Variants in TMTC3 observed in about 807,000 individuals in gnomAD.
The protein encoded by TMTC3 is transmembrane O-mannosyltransferase targeting cadherins 3.
A neutral mutation model predicts 92.2 loss-of-function variants in TMTC3; 52 were observed. That is an observed-to-expected ratio of 0.56 (90% CI 0.45 to 0.71). The LOEUF is 0.71. Ranked by LOEUF, TMTC3 falls within the 30% of genes least tolerant of loss-of-function variation. The pLI is 0.00. For missense variants in TMTC3, 896 were observed against 1,057.1 expected, an observed-to-expected ratio of 0.85 and a Z score of 2.11; for synonymous variants, 339 against 363.3, an observed-to-expected ratio of 0.93 and a Z score of 0.76.
At chr12:88,189,037 C>A in intron 11 of TMTC3, 91 bp downstream of exon 11, 1 of 707,900 alleles carries the variant, frequency 1.4e-6, no homozygotes, top group Non-Finnish European at 2.4e-6. Flanking sequence ...ATCTTTTCTT[C>A]AGTTAGTTGA....
At chr12:88,180,698 T>C (rs918298480) in intron 10 of TMTC3, among the ~76,000 whole-genome samples, 1 of 152,064 alleles carries the variant, frequency 6.6e-6, no homozygotes, top group African/African-American at 2.4e-5. Flanking sequence ...TGGTACCAGG[T>C]TGGGTCCTAG....
At chr12:88,149,548 T>C (rs1303833004) in intron 2 of TMTC3, among the ~76,000 whole-genome samples, 1 of 152,104 alleles carries the variant, frequency 6.6e-6, no homozygotes, top group African/African-American at 2.4e-5. Flanking sequence ...CATAAGTCAT[T>C]TAAGGTCTCA....
chr12:88,181,088 C>T (rs1438945607), intron 10 of TMTC3, among the ~76,000 whole-genome samples: 1 of 152,046 alleles, frequency 6.6e-6, no homozygotes, highest in African/African-American at 2.4e-5. Context: ...TTGGATGTTC[C>T]ACGTGTGACA....
intron 12 of TMTC3, among the ~76,000 whole-genome samples, chr12:88,191,160 G>A (rs1262320158): frequency 6.6e-6 from 1 of 151,916 alleles, no homozygotes; most frequent in Admixed American, 6.6e-5. Context: ...ACTTCGTTTT[G>A]TAGCCTGGTC....
In TMTC3 at chr12:88,174,149, T is replaced by C. The variant is rs1014681917; in HGVS notation, c.1200-458T>C. Among the ~76,000 whole-genome samples, 6 of 152,214 alleles carry C rather than the reference T, an allele frequency of 3.9e-5. No individual in the cohort carries two copies. The East Asian group carries it at 7.7e-4, about 20-fold the overall frequency. On this transcript the variant is annotated intron_variant, in intron 8 of 13. Transcript: ENST00000266712. ...TACTATGCCTGTTAATAGACAATTC[T>C]AGCTTTACAATAGAGAAATAAACCA...
rs1028185755 is a variant in TMTC3 at position 88,179,815 on chromosome 12, G to A, written c.1432+3496G>A. 4.6e-5 allele frequency among the ~76,000 whole-genome samples: 7 copies of A among 152,108 alleles called. No homozygotes were observed. In the East Asian group the frequency reaches 5.8e-4, roughly 13 times the overall value. On this transcript the variant is annotated intron_variant, in intron 10 of 13. Transcript: ENST00000266712. ...TGGGTAATAAACATTGTCAACCCCC[G>A]GAGTAGAGAGCAGTCCTGTGCGCAA... is the stretch of plus-strand genomic sequence containing the variant.
intron 10 of TMTC3, among the ~76,000 whole-genome samples, chr12:88,180,549 T>C (rs970079487): frequency 2.0e-5 from 3 of 152,192 alleles, no homozygotes; most frequent in South Asian, 2.1e-4. Flanking sequence ...GTGAATGGTG[T>C]CTGTGTCCAG....
intron 12 of TMTC3, 62 bp from the exon 13 acceptor site, chr12:88,192,542 A>T (rs2041455931): frequency 7.5e-7 from 1 of 1,337,048 alleles, no homozygotes; most frequent in Admixed American, 2.0e-5. Flanking sequence ...CTTGGCAAAA[A>T]TTGTATCTAC....
At chr12:88,162,164 G>A (rs1361856772) in intron 6 of TMTC3, among the ~76,000 whole-genome samples, 1 of 152,070 alleles carries the variant, frequency 6.6e-6, no homozygotes, top group African/African-American at 2.4e-5. Flanking sequence ...TAAATCTACT[G>A]TCTTCCGGCT....
Position 88,166,680 on chromosome 12 carries a change from C to T in TMTC3, c.1050+98C>T, listed in dbSNP as rs2138394752. 17 of 1,338,518 alleles carry T rather than the reference C, an allele frequency of 1.3e-5. 1 individual carries two copies. The South Asian group carries it at 2.4e-4, about 19-fold the overall frequency. The allele number at this position is 1,338,518 out of a possible 1,614,324, so 82.9% of individuals were successfully genotyped here. A position where few individuals can be genotyped will look rare whatever the true frequency, so the allele number is the denominator to read the frequency against. The stretch of plus-strand genomic sequence containing the variant: ...GCAAAAGCATCTTTTTAGAAGCACT[C>T]CTTTCTTTGTTCAACGGCATCCCAA... On this transcript the variant is annotated intron_variant, in intron 7 of 13. Coordinates refer to ENST00000266712, the MANE Select transcript of TMTC3 (RefSeq NM_181783.4).
intron 4 of TMTC3, among the ~76,000 whole-genome samples, chr12:88,159,638 G>A (rs997216212): frequency 2.1e-4 from 32 of 151,184 alleles, no homozygotes; most frequent in African/African-American, 7.8e-4. Context: ...ACTCCAGCCT[G>A]AGTGACAGGG....
At chr12:88,156,680 A>G (rs1324419464) in intron 4 of TMTC3, among the ~76,000 whole-genome samples, 1 of 115,326 alleles carries the variant, frequency 8.7e-6, no homozygotes, top group Non-Finnish European at 1.8e-5. Context: ...CAGTCAGGAG[A>G]GGATAAAACA....
In TMTC3 at chr12:88,198,131, A is replaced by T. The variant is rs546752089; in HGVS notation, c.*2482A>T. On this transcript the variant is annotated 3_prime_UTR_variant, in exon 14 of 14. Transcript: ENST00000266712. ...TCCATCAAACTAGCCCTTGTGTAAG[A>T]TTATTATTTCTTCTCTATAACTTCA... The T allele has an allele frequency of 1.0e-4, 40 of 391,566 alleles. No individual in the cohort carries two copies. The East Asian group carries it at 1.4e-3, about 14-fold the overall frequency. 24.3% of individuals were successfully genotyped at this position (391,566 alleles called of 1,614,324 possible). A position where few individuals can be genotyped will look rare whatever the true frequency, so the allele number is the denominator to read the frequency against.
chr12:88,175,037 C>T (rs2041244117), intron 9 of TMTC3, among the ~76,000 whole-genome samples: 1 of 151,964 alleles, frequency 6.6e-6, no homozygotes, highest in Non-Finnish European at 1.5e-5. Context: ...TTATATTTTT[C>T]CTTTTTTATA....
At position 88,199,391 on chromosome 12, in the gene TMTC3, TTAA is replaced by T. The variant is rs1460212769; in HGVS notation, c.*3745_*3747del. 2.0e-5 allele frequency: 3 copies of T among 151,358 alleles called. No individual in the cohort carries two copies. The allele number at this position is 151,358 out of a possible 1,614,324, so 9.4% of individuals were successfully genotyped here. ...ATATTTATATGATATATTGTATATA[TTAA>T]TATATTTAAATTGCTTAGAGTTTCT... On this transcript the variant is annotated 3_prime_UTR_variant, in exon 14 of 14. Transcript: ENST00000266712.
intron 1 of TMTC3, among the ~76,000 whole-genome samples, chr12:88,143,542 T>G (rs1240914115): frequency 6.6e-6 from 1 of 152,232 alleles, no homozygotes; most frequent in African/African-American, 2.4e-5. Context: ...GGAGGACATA[T>G]TCTTAACTTC....
At position 88,195,491 on chromosome 12, in the gene TMTC3, G is replaced by C; in HGVS notation, c.2587G>C (p.Asp863His). The C allele has an allele frequency of 6.2e-7, 1 of 1,612,780 alleles. No homozygotes were observed. Among genetic ancestry groups the C allele is most frequent in the Non-Finnish European group, 8.5e-7 (1 of 1,179,570 alleles). The change falls in exon 14 of 14, where the codon GAT (aspartate) becomes CAT (histidine). Residue 863 changes from aspartate (D) to histidine (H), a missense_variant. Transcript: ENST00000266712. ...SRQTQIVKTS[D>H]NKSQSKSNKQ... is the part of the protein sequence containing the mutation. The stretch of plus-strand genomic sequence containing the variant: ...ACAAACACAAATAGTAAAAACAAGT[G>C]ATAATAAAAGTCAGTCTAAATCCAA...
At position 88,160,582 on chromosome 12, in the gene TMTC3, T is replaced by C. The variant is rs1592729714; in HGVS notation, c.625-97T>C. On this transcript the variant is annotated intron_variant, in intron 5 of 13. Coordinates refer to ENST00000266712, the MANE Select transcript of TMTC3 (RefSeq NM_181783.4). Reference sequence around the variant, plus strand: ...TTCTTCCACATTAATTTTATAATTATACTTGTATCTAATCTTGCAATTAGA... The same window carrying C: ...TTCTTCCACATTAATTTTATAATTACACTTGTATCTAATCTTGCAATTAGA... 4.8e-6 allele frequency: 5 copies of C among 1,044,302 alleles called. No homozygotes were observed. In the East Asian group the frequency reaches 1.2e-4, roughly 26 times the overall value. The allele number at this position is 1,044,302 out of a possible 1,614,324, so 64.7% of individuals were successfully genotyped here. A position where few individuals can be genotyped will look rare whatever the true frequency, so the allele number is the denominator to read the frequency against.
At position 88,176,467 on chromosome 12, in the gene TMTC3, A is replaced by C. The variant is rs189657959; in HGVS notation, c.1432+148A>C. 5.8e-5 allele frequency: 33 copies of C among 573,310 alleles called. No individual in the cohort carries two copies. The East Asian group carries it at 1.0e-3, about 18-fold the overall frequency. 35.5% of individuals were successfully genotyped at this position (573,310 alleles called of 1,614,324 possible). ...GTGCTTATTTTGAACTGGATTACAT[A>C]TAACAGCCACTTAATATCAGACTCT... On this transcript the variant is annotated intron_variant, in intron 10 of 13. Coordinates refer to ENST00000266712, the MANE Select transcript of TMTC3 (RefSeq NM_181783.4).
Sources: allele counts gnomAD v4.1 joint callset (sites outside exome capture counted in the v4.1 genomes callset), GRCh38; gene constraint gnomAD v4.1.1; transcripts MANE v1.5; gene names NCBI Gene and HGNC (gene_info 2026-07-23, HGNC 2026-07-21).